ZNF254: variants seen among roughly 807,000 people sequenced by gnomAD.
The protein encoded by ZNF254 is CTD-2017D11.1.
ZNF254 carries 10 observed loss-of-function variants against 12.4 expected under a neutral mutation model. The ratio of observed to expected loss-of-function variants is 0.80; its 90% CI spans 0.50 to 1.36. The LOEUF is 1.36. Ranked by LOEUF, ZNF254 falls within the 40% of genes most tolerant of loss-of-function variation. The probability of loss-of-function intolerance (pLI) is 0.00; values close to 1 mark genes in which losing one functional copy is unlikely to be tolerated. For missense variants in ZNF254, 996 were observed against 763.9 expected (o/e 1.30, Z -3.58); for synonymous variants, 305 against 253.4 (o/e 1.20, Z -1.93).
chr19:24,083,548 T>A (rs964789011), upstream of ZNF254, among the ~76,000 whole-genome samples: 1 of 152,098 alleles, frequency 6.6e-6, no homozygotes, highest in Non-Finnish European at 1.5e-5. Context: ...ATCAAAAATG[T>A]TAAGACCTGA....
upstream of ZNF254, among the ~76,000 whole-genome samples, chr19:24,083,337 A>T (rs553844003): frequency 6.6e-6 from 1 of 152,198 alleles, no homozygotes; most frequent in Non-Finnish European, 1.5e-5. Context: ...AAATAAAAAC[A>T]CATCCCATGC....
At chr19:24,126,072 C>T (rs1185745977) in intron 3 of ZNF254, among the ~76,000 whole-genome samples, 182 bp from the exon 4 acceptor site, 1 of 152,142 alleles carries the variant, frequency 6.6e-6, no homozygotes, top group African/African-American at 2.4e-5. Context: ...GAATTTTCCA[C>T]AGATGTATTT....
intron 1 of ZNF254, chr19:24,098,488 T>C (rs1270545961): frequency 6.6e-6 from 1 of 152,228 alleles, no homozygotes; most frequent in Admixed American, 6.5e-5. Context: ...AATGGCTAGA[T>C]GAGCGCAGCA....
At chr19:24,048,002 TC>T (rs1970467358) in intron 2 of ZNF254, among the ~76,000 whole-genome samples, 1 of 117,730 alleles carries the variant, frequency 8.5e-6, no homozygotes, top group Non-Finnish European at 1.7e-5. Flanking sequence ...TTTCTTTTCT[TC>T]TTTTTTTTTT....
chr19:24,129,112 A>G lies in ZNF254; in HGVS notation c.*1132A>G, dbSNP rs1047680843. 6.6e-6 allele frequency: 1 copy of G among 151,988 alleles called. No homozygotes were observed. The highest frequency in any genetic ancestry group is 2.4e-5 in the African/African-American group (1 of 41,428). The allele number at this position is 151,988 out of a possible 1,614,324, so 9.4% of individuals were successfully genotyped here. A position where few individuals can be genotyped will look rare whatever the true frequency, so the allele number is the denominator to read the frequency against. On this transcript the variant is annotated 3_prime_UTR_variant, in exon 4 of 4. Coordinates refer to ENST00000357002, the MANE Select transcript of ZNF254 (RefSeq NM_203282.4). Reference sequence around the variant, plus strand: ...ATGCGTGAGGAAAATTTAGGTAGAGAGGCTCTTTGTGGTTAACTTATAATA... The same window carrying G: ...ATGCGTGAGGAAAATTTAGGTAGAGGGGCTCTTTGTGGTTAACTTATAATA...
chr19:24,119,771 C>T (rs903640586), intron 3 of ZNF254, among the ~76,000 whole-genome samples: 3 of 151,924 alleles, frequency 2.0e-5, no homozygotes, highest in Admixed American at 6.6e-5. Flanking sequence ...GATTACATTT[C>T]TTTTTATTAA....
chr19:24,121,301 A>T (rs1025935915), intron 3 of ZNF254, among the ~76,000 whole-genome samples: 4 of 151,480 alleles, frequency 2.6e-5, no homozygotes, highest in African/African-American at 9.7e-5. Context: ...GATCTACTTG[A>T]TGGTGTCTAA....
At chr19:24,045,250 C>T (rs143826637) in intron 1 of ZNF254, among the ~76,000 whole-genome samples, 27 of 152,300 alleles carry the variant, frequency 1.8e-4, no homozygotes, top group African/African-American at 6.0e-4. Context: ...TAAGCCCCTG[C>T]ACCTGGAACT....
In ZNF254 at chr19:24,110,853, A is replaced by ATT. The variant is rs932004122; in HGVS notation, c.253+4220_253+4221dup. Among the ~76,000 whole-genome samples the ATT allele has an allele frequency of 2.0e-5, 3 of 148,360 alleles. No homozygotes were observed. The Admixed American group carries it at 2.0e-4, about 10-fold the overall frequency. On this transcript the variant is annotated intron_variant, in intron 3 of 3. Coordinates refer to ENST00000357002, the MANE Select transcript of ZNF254 (RefSeq NM_203282.4). ...AAAGTGTATCTTTAAAAGTGACAAG[A>ATT]TTTTTTTTTTTCACTGTTAAATATT... is the stretch of plus-strand genomic sequence containing the variant.
At chr19:24,072,867 C>G (rs1219265936) in intron 2 of ZNF254, among the ~76,000 whole-genome samples, 1 of 152,190 alleles carries the variant, frequency 6.6e-6, no homozygotes, top group Non-Finnish European at 1.5e-5. Flanking sequence ...TGACATATTT[C>G]TGACCCAGCA....
At chr19:24,073,758 C>T (rs1971562284) in intron 2 of ZNF254, among the ~76,000 whole-genome samples, 1 of 152,208 alleles carries the variant, frequency 6.6e-6, no homozygotes, top group East Asian at 1.9e-4. Context: ...GATTGAGGCT[C>T]TTATGCATGT....
chr19:24,091,315 G>GA (rs56971141), intron 1 of ZNF254, among the ~76,000 whole-genome samples: 9,233 of 128,636 alleles, frequency 0.072, 353 homozygotes, highest in South Asian at 0.11. Flanking sequence ...AAAAAATAAA[G>GA]AAAAAAAAAA....
At chr19:24,105,889 A>C in intron 1 of ZNF254, 51 bp from the exon 2 acceptor site, 1 of 1,555,900 alleles carries the variant, frequency 6.4e-7, no homozygotes, top group Non-Finnish European at 8.7e-7. Flanking sequence ...CAAATGAAAA[A>C]TTCTGCCGAT....
At chr19:24,090,892 CAG>C (rs1031479770) in intron 1 of ZNF254, among the ~76,000 whole-genome samples, 2 of 149,176 alleles carry the variant, frequency 1.3e-5, no homozygotes, top group Non-Finnish European at 1.5e-5. Context: ...TTTTCTTTCT[CAG>C]AGTGAGTTTA....
At chr19:24,075,519 G>T (rs192264842) in intron 2 of ZNF254, among the ~76,000 whole-genome samples, 10 of 152,246 alleles carry the variant, frequency 6.6e-5, no homozygotes, top group African/African-American at 2.4e-4. Flanking sequence ...AGCGATTTTC[G>T]AAGGGGAGGG....
intron 3 of ZNF254, among the ~76,000 whole-genome samples, chr19:24,117,869 A>G (rs1438881203): frequency 6.6e-6 from 1 of 152,000 alleles, no homozygotes; most frequent in East Asian, 1.9e-4. Context: ...AAACTGAATC[A>G]TATTCCATTC....
chr19:24,115,646 C>T (rs572364918), intron 3 of ZNF254, among the ~76,000 whole-genome samples: 3 of 151,982 alleles, frequency 2.0e-5, no homozygotes, highest in Non-Finnish European at 2.9e-5. Flanking sequence ...GCACATTGTG[C>T]ACATGTACCG....
At chr19:24,072,547 G>A (rs1387944725) in intron 2 of ZNF254, among the ~76,000 whole-genome samples, 1 of 152,144 alleles carries the variant, frequency 6.6e-6, no homozygotes, top group African/African-American at 2.4e-5. Flanking sequence ...TGGGTGAAAG[G>A]CTCTTGCCTG....
At chr19:24,120,207 T>A (rs376617412) in intron 3 of ZNF254, among the ~76,000 whole-genome samples, 1 of 152,132 alleles carries the variant, frequency 6.6e-6, no homozygotes, top group Non-Finnish European at 1.5e-5. Context: ...TTCTCTATCA[T>A]GAGAACAGCA....
Sources: allele counts gnomAD v4.1 joint callset (sites outside exome capture counted in the v4.1 genomes callset), GRCh38; gene constraint gnomAD v4.1.1; transcripts MANE v1.5; gene names NCBI Gene and HGNC (gene_info 2026-07-23, HGNC 2026-07-21).